The following R3HDM1 variants were observed in gnomAD, a reference collection of about 807,000 sequenced individuals.
R3HDM1 encodes R3H domain containing 1.
In R3HDM1, 46 loss-of-function variants were observed where a neutral mutation model predicts 141.1. The observed-to-expected ratio is 0.33, with a 90% confidence interval of 0.26 to 0.42. The LOEUF is 0.42. Among genes scored for constraint, R3HDM1 ranks in the 10% least tolerant of loss-of-function variants. R3HDM1 has a pLI of 1.00. For synonymous variants in R3HDM1, 435 were observed against 472.9 expected (o/e 0.92, Z 1.04); for missense variants, 1,184 against 1,368.3 (o/e 0.87, Z 2.12).
At chr2:135,667,168 T>G in intron 19 of R3HDM1, 1 of 977,748 alleles carries the variant, frequency 1.0e-6, no homozygotes. Context: ...TGTTCAATAC[T>G]TTTGTGCTGA....
At chr2:135,557,680 C>T (rs751441571) in intron 1 of R3HDM1, among the ~76,000 whole-genome samples, 3 of 152,146 alleles carry the variant, frequency 2.0e-5, no homozygotes, top group Non-Finnish European at 2.9e-5. Context: ...CTGAATGACC[C>T]AGCTTAAGTC....
At chr2:135,698,997 A>AGATC (rs2073725865) in intron 21 of R3HDM1, among the ~76,000 whole-genome samples, 1 of 108,646 alleles carries the variant, frequency 9.2e-6, no homozygotes, top group South Asian at 2.9e-4. Flanking sequence ...ATAGATAGAT[A>AGATC]GATAGATAGA....
chr2:135,690,568 CTATG>C (rs1475418802), intron 21 of R3HDM1, among the ~76,000 whole-genome samples: 1 of 152,058 alleles, frequency 6.6e-6, no homozygotes, highest in African/African-American at 2.4e-5. Context: ...CACTGATAAC[CTATG>C]TATGATTTTG....
intron 1 of R3HDM1, among the ~76,000 whole-genome samples, chr2:135,562,897 A>G (rs1375370900): frequency 6.6e-6 from 1 of 152,180 alleles, no homozygotes; most frequent in African/African-American, 2.4e-5. Flanking sequence ...GGACCATTTT[A>G]TCCTTTTACT....
intron 1 of R3HDM1, among the ~76,000 whole-genome samples, chr2:135,553,412 G>C (rs1034181698): frequency 1.3e-5 from 2 of 152,134 alleles, no homozygotes; most frequent in Admixed American, 1.3e-4. Flanking sequence ...AATTTCAGCA[G>C]ATCCAGATTA....
At chr2:135,550,063 CATGATCTGGA>C (rs1699549833) in intron 1 of R3HDM1, 2 of 984,204 alleles carry the variant, frequency 2.0e-6, no homozygotes, top group African/African-American at 1.7e-5. Context: ...AAAATCTTTT[CATGATCTGGA>C]ATGTCTTTTC....
chr2:135,661,536 T>A, intron 19 of R3HDM1, 143 bp downstream of exon 19: 1 of 1,068,934 alleles, frequency 9.4e-7, no homozygotes, highest in East Asian at 2.5e-5. Flanking sequence ...CCAATGAGAT[T>A]AAAAGAGTGA....
At chr2:135,643,948 A>C (rs1204910822) in intron 15 of R3HDM1, among the ~76,000 whole-genome samples, 3 of 152,152 alleles carry the variant, frequency 2.0e-5, no homozygotes, top group Non-Finnish European at 4.4e-5. Context: ...AACAATACAC[A>C]CTGGGGCTTA....
intron 1 of R3HDM1, among the ~76,000 whole-genome samples, chr2:135,539,271 A>G (rs1425489651): frequency 1.3e-5 from 2 of 152,220 alleles, no homozygotes; most frequent in East Asian, 3.8e-4. Context: ...TATTACCATT[A>G]TCAAGTATTA....
intron 6 of R3HDM1, chr2:135,622,028 C>T (rs1192755161): frequency 3.0e-6 from 3 of 984,340 alleles, no homozygotes; most frequent in African/African-American, 3.5e-5. Flanking sequence ...AGGGTCTTCA[C>T]TATTACCTAG....
In R3HDM1 at chr2:135,602,677, C is replaced by A; in HGVS notation, c.-72C>A. 6.5e-7 allele frequency: 1 copy of A among 1,535,508 alleles called. No homozygotes were observed. The highest frequency in any genetic ancestry group is 8.8e-7 in the Non-Finnish European group (1 of 1,142,434). ...ATTATTTTATTTTATTTTTGTGGGA[C>A]ACCACAATCCCAAATCCAAAGGACG... is the stretch of plus-strand genomic sequence containing the variant. On this transcript the variant is annotated 5_prime_UTR_variant, in exon 2 of 27. Coordinates refer to ENST00000683871, the MANE Select transcript of R3HDM1 (RefSeq NM_001378107.1).
chr2:135,629,574 TAAAG>T (rs2062426373), intron 7 of R3HDM1, among the ~76,000 whole-genome samples: 1 of 152,130 alleles, frequency 6.6e-6, no homozygotes, highest in South Asian at 2.1e-4. Flanking sequence ...TAAATGCTAT[TAAAG>T]AAAAATATGA....
intron 17 of R3HDM1, 175 bp from the exon 18 acceptor site, chr2:135,651,555 A>G (rs2065150531): frequency 2.1e-6 from 2 of 936,408 alleles, no homozygotes; most frequent in African/African-American, 3.6e-5. Context: ...AATATTCAAC[A>G]ATAGAGTTGT....
At chr2:135,568,762 T>C (rs1297503566) in intron 1 of R3HDM1, 1 of 152,198 alleles carries the variant, frequency 6.6e-6, no homozygotes, top group Non-Finnish European at 1.5e-5. Context: ...TCATAGGGCG[T>C]ATTGGTGACC....
At chr2:135,574,956 G>A (rs1705043780) in intron 1 of R3HDM1, among the ~76,000 whole-genome samples, 1 of 152,088 alleles carries the variant, frequency 6.6e-6, no homozygotes, top group Non-Finnish European at 1.5e-5. Flanking sequence ...TATAATGGAG[G>A]TATTAACCAA....
intron 1 of R3HDM1, among the ~76,000 whole-genome samples, chr2:135,569,893 A>AT (rs1703707334): frequency 6.6e-6 from 1 of 151,774 alleles, no homozygotes; most frequent in Non-Finnish European, 1.5e-5. Flanking sequence ...TGCCTGGCTA[A>AT]TTTTTTGTAT....
rs780058014 is a variant in R3HDM1 at position 135,680,208 on chromosome 2, T to C, written c.2343T>C (p.His781=). 6.2e-7 allele frequency: 1 copy of C among 1,613,876 alleles called. No homozygotes were observed. Among genetic ancestry groups the C allele is most frequent in the Non-Finnish European group, 8.5e-7 (1 of 1,179,764 alleles). ...SLPQGSQGIP[H]QTYQQPVMFP... is the part of the protein sequence containing the mutation. Reference sequence around the variant, plus strand: ...CTCAAGGTTCTCAAGGAATTCCCCATCAGACTTATCAACAGCCTGTTATGT... The same window carrying C: ...CTCAAGGTTCTCAAGGAATTCCCCACCAGACTTATCAACAGCCTGTTATGT... The change falls in exon 21 of 27, where the codon CAT becomes CAC. Residue 781 remains histidine (H), a synonymous_variant. Transcript: ENST00000683871.
intron 1 of R3HDM1, chr2:135,587,002 T>C: frequency 1.0e-5 from 10 of 984,076 alleles, no homozygotes; most frequent in Non-Finnish European, 1.2e-5. Context: ...AACGGTTTTC[T>C]ACCCTTTTGG....
chr2:135,646,230 G>A (rs1009272123), intron 16 of R3HDM1, among the ~76,000 whole-genome samples: 24 of 151,206 alleles, frequency 1.6e-4, no homozygotes, highest in Admixed American at 1.1e-3. Context: ...CCGCCTCCTG[G>A]GTTCACACCA....
Sources: allele counts gnomAD v4.1 joint callset (sites outside exome capture counted in the v4.1 genomes callset), GRCh38; gene constraint gnomAD v4.1.1; transcripts MANE v1.5; gene names NCBI Gene and HGNC (gene_info 2026-07-23, HGNC 2026-07-21).